The following TPTE variants were observed in gnomAD, a reference collection of about 807,000 sequenced individuals.
TPTE encodes putative tyrosine-protein phosphatase TPTE.
Under a neutral mutation model 84.1 loss-of-function variants are expected in TPTE, and 59 were observed. The ratio of observed to expected loss-of-function variants is 0.70; its 90% CI spans 0.57 to 0.87. TPTE has a LOEUF of 0.87. TPTE is among the 40% of genes least tolerant of loss of function. TPTE has a pLI of 0.00. For synonymous variants in TPTE, 130 were observed against 223.5 expected (o/e 0.58, Z 3.73); for missense variants, 382 against 659.6 (o/e 0.58, Z 4.61).
intron 8 of TPTE, among the ~76,000 whole-genome samples, chr21:10,552,935 G>T (rs2074606802): frequency 6.6e-6 from 1 of 152,306 alleles, no homozygotes; most frequent in Non-Finnish European, 1.5e-5. Flanking sequence ...TGTTCTTCTA[G>T]CTTGAAAATG....
At chr21:10,564,197 G>T (rs2074867650) in intron 10 of TPTE, among the ~76,000 whole-genome samples, 1 of 152,300 alleles carries the variant, frequency 6.6e-6, no homozygotes, top group South Asian at 2.1e-4. Context: ...TTGCCTACAG[G>T]AAACACTCTT....
At chr21:10,558,997 G>A (rs1332662370) in intron 8 of TPTE, among the ~76,000 whole-genome samples, 2 of 152,308 alleles carry the variant, frequency 1.3e-5, no homozygotes, top group African/African-American at 4.8e-5. Context: ...AACCTCATAT[G>A]TGACTCATCT....
intron 7 of TPTE, among the ~76,000 whole-genome samples, chr21:10,551,976 A>G (rs1468306896): frequency 6.6e-6 from 1 of 152,308 alleles, no homozygotes; most frequent in Non-Finnish European, 1.5e-5. Flanking sequence ...CACTTGTGAA[A>G]GGAAGAGCCA....
rs56989391 is a variant in TPTE, at chr21:10,603,544, A to T, written c.1450-18A>T. 889 of 1,599,658 alleles carry T rather than the reference A, an allele frequency of 5.6e-4. No individual in the cohort carries two copies. In the African/African-American group the frequency reaches 9.5e-3, roughly 17 times the overall value. ...TTCTTGGTATCAGTTTTACTTTGAA[A>T]TTTTTTTTTCTTTTTAGAATCTTCC... On this transcript the variant is annotated intron_variant, in intron 22 of 23. Coordinates refer to ENST00000618007, the MANE Select transcript of TPTE (RefSeq NM_199261.4).
rs576908148 is a variant in TPTE, at chr21:10,555,187, G to A, written c.233+2471G>A. ...ATTATTGGAACTTTCAGTGTATTAA[G>A]GTTTAGTATCTCATATCTTTTTTTC... On this transcript the variant is annotated intron_variant, in intron 8 of 23. Transcript: ENST00000618007. Among the ~76,000 whole-genome samples the A allele has an allele frequency of 4.6e-5, 7 of 152,418 alleles. No homozygotes were observed. In the East Asian group the frequency reaches 1.2e-3, roughly 25 times the overall value.
intron 3 of TPTE, among the ~76,000 whole-genome samples, chr21:10,538,304 A>G (rs1450709621): frequency 2.0e-5 from 3 of 152,312 alleles, no homozygotes; most frequent in Non-Finnish European, 4.4e-5. Flanking sequence ...CAACAGAGAC[A>G]ATCAAGTGAA....
At chr21:10,599,884 G>T (rs545004280) in intron 21 of TPTE, among the ~76,000 whole-genome samples, 10 of 152,098 alleles carry the variant, frequency 6.6e-5, no homozygotes, top group African/African-American at 2.2e-4. Context: ...TTGAGCCAGG[G>T]TCTCATTCTG....
Position 10,590,842 on chromosome 21 carries a change from G to A in TPTE, c.1089+319G>A, listed in dbSNP as rs1304715400. ...TTAATAAAAATTAATGCAAAAAATC[G>A]ATGATGTATACAATATCAACATGTT... On this transcript the variant is annotated intron_variant, in intron 18 of 23. Coordinates refer to ENST00000618007, the MANE Select transcript of TPTE (RefSeq NM_199261.4). 1.4e-4 allele frequency among the ~76,000 whole-genome samples: 21 copies of A among 152,376 alleles called. No individual in the cohort carries two copies. The South Asian group carries it at 4.0e-3, about 29-fold the overall frequency.
At chr21:10,544,144 C>G (rs1272033434) in intron 7 of TPTE, among the ~76,000 whole-genome samples, 3 of 152,290 alleles carry the variant, frequency 2.0e-5, no homozygotes, top group South Asian at 2.1e-4. Flanking sequence ...AAACCTGATT[C>G]AAGTTAATTA....
chr21:10,563,336 A>G (rs1338791939), intron 10 of TPTE, among the ~76,000 whole-genome samples: 1 of 152,304 alleles, frequency 6.6e-6, no homozygotes, highest in Non-Finnish European at 1.5e-5. Context: ...TGGTAATAGT[A>G]GGTATACAGA....
At chr21:10,539,423 G>A (rs1243277155) in intron 4 of TPTE, among the ~76,000 whole-genome samples, 1 of 152,310 alleles carries the variant, frequency 6.6e-6, no homozygotes, top group Non-Finnish European at 1.5e-5. Context: ...AGCATGATGG[G>A]TGAAAGGAAA....
intron 17 of TPTE, among the ~76,000 whole-genome samples, chr21:10,587,139 G>A (rs1207034191): frequency 2.6e-3 from 399 of 151,138 alleles, no homozygotes; most frequent in African/African-American, 9.3e-3. Flanking sequence ...ATAGATTTCT[G>A]ATGTAGGATG....
At chr21:10,537,079 A>G (rs1323865681) in intron 3 of TPTE, among the ~76,000 whole-genome samples, 3 of 152,308 alleles carry the variant, frequency 2.0e-5, no homozygotes, top group African/African-American at 7.2e-5. Context: ...GAAGACACCT[A>G]TAATGGCAAA....
chr21:10,573,797 G>A (rs1248369541), intron 14 of TPTE, among the ~76,000 whole-genome samples: 174 of 151,780 alleles, frequency 1.1e-3, no homozygotes, highest in African/African-American at 4.0e-3. Context: ...GCCCCATGTG[G>A]TCTCTCATTC....
Position 10,542,393 on chromosome 21 carries a change from A to G in TPTE, c.66-2A>G, listed in dbSNP as rs1291700031. The stretch of plus-strand genomic sequence containing the variant: ...TGACTGTTTTCTCTTATCATCCACT[A>G]GTCCACAGACAAGTGAATTTAAAGG... On this transcript the variant is annotated splice_acceptor_variant, in intron 5 of 23. Transcript: ENST00000618007. LOFTEE classifies it high-confidence loss of function. 8 of 1,611,176 alleles carry G rather than the reference A, an allele frequency of 5.0e-6. No homozygotes were observed. The highest frequency in any genetic ancestry group is 1.7e-5 in the Admixed American group (1 of 59,892).
chr21:10,575,485 G>A (rs1275214198), intron 14 of TPTE, among the ~76,000 whole-genome samples: 2 of 152,310 alleles, frequency 1.3e-5, no homozygotes, highest in Admixed American at 6.5e-5. Context: ...ATCCCCCACA[G>A]TGCAGCACAC....
intron 8 of TPTE, among the ~76,000 whole-genome samples, chr21:10,552,984 T>G (rs1257083790): frequency 6.9e-6 from 1 of 144,918 alleles, no homozygotes; most frequent in Admixed American, 6.7e-5. Context: ...CCATTAAAAG[T>G]TTTTTTTAAA....
chr21:10,549,738 GAA>G (rs1345770309), intron 7 of TPTE, among the ~76,000 whole-genome samples: 1 of 152,308 alleles, frequency 6.6e-6, no homozygotes, highest in Non-Finnish European at 1.5e-5. Flanking sequence ...ATTCCAGAAG[GAA>G]AAGAGTAGAG....
chr21:10,560,561 C>T (rs2145674394), intron 9 of TPTE, among the ~76,000 whole-genome samples: 1 of 152,422 alleles, frequency 6.6e-6, no homozygotes, highest in East Asian at 1.9e-4. Flanking sequence ...GAAAATGTCA[C>T]TGATGAAAAA....
Sources: gnomAD v4.1 joint callset for allele counts (sites outside exome capture counted in the v4.1 genomes callset) on GRCh38, gnomAD v4.1.1 for gene constraint, MANE v1.5 for transcripts, NCBI Gene and HGNC (gene_info 2026-07-23, HGNC 2026-07-21) for gene names.